Variants in SEL1L3 observed in about 807,000 individuals in gnomAD.
The protein encoded by SEL1L3 is SEL1L family member 3.
In SEL1L3, 76 loss-of-function variants were observed where a neutral mutation model predicts 142.8. The ratio of observed to expected loss-of-function variants is 0.53; its 90% confidence interval spans 0.44 to 0.64. The LOEUF (loss-of-function observed/expected upper bound fraction) is 0.64. SEL1L3 is among the 30% of genes least tolerant of loss of function. The probability of loss-of-function intolerance (pLI) is 0.00; values close to 1 mark genes in which losing one functional copy is unlikely to be tolerated. For synonymous variants in SEL1L3, 504 were observed against 519.6 expected (o/e 0.97, Z 0.41); for missense variants, 1,262 against 1,381.7 (o/e 0.91, Z 1.37).
chr4:25,848,248 C>T (rs923070361), intron 1 of SEL1L3, among the ~76,000 whole-genome samples: 2 of 152,176 alleles, frequency 1.3e-5, no homozygotes, highest in African/African-American at 4.8e-5. Context: ...ATTTTCAAAC[C>T]ATTGTCCTGA....
At chr4:25,806,978 G>A (rs912062358) in intron 9 of SEL1L3, among the ~76,000 whole-genome samples, 1 of 152,018 alleles carries the variant, frequency 6.6e-6, no homozygotes, top group Non-Finnish European at 1.5e-5. Flanking sequence ...TGTAGGCTTT[G>A]GCACTCTTCC....
the SEL1L3 span, among the ~76,000 whole-genome samples, chr4:25,731,211 T>G: frequency 5.3e-5 from 8 of 152,200 alleles, no homozygotes; most frequent in Non-Finnish European, 1.2e-4. Flanking sequence ...TTTATTTAGC[T>G]TTTAGATTTG....
intron 2 of SEL1L3, among the ~76,000 whole-genome samples, chr4:25,836,375 G>A (rs1435358646): frequency 6.6e-6 from 1 of 152,126 alleles, no homozygotes; most frequent in African/African-American, 2.4e-5. Flanking sequence ...GGCTGGGCGT[G>A]GTGGCTCACA....
chr4:25,746,569 T>TATATTTAAATATATATAA, downstream of SEL1L3, among the ~76,000 whole-genome samples: 1 of 146,490 alleles, frequency 6.8e-6, no homozygotes, highest in African/African-American at 2.5e-5. Context: ...AATATATATA[T>TATATTTAAATATATATAA]TCTTTCTATA....
chr4:25,819,748 A>G, intron 8 of SEL1L3, 60 bp downstream of exon 8: 1 of 1,525,600 alleles, frequency 6.6e-7, no homozygotes, highest in South Asian at 1.2e-5. Context: ...GGAGAAGCCA[A>G]ACATGTGTTT....
At chr4:25,860,336 C>G (rs1717610789) in intron 1 of SEL1L3, among the ~76,000 whole-genome samples, 1 of 152,216 alleles carries the variant, frequency 6.6e-6, no homozygotes, top group African/African-American at 2.4e-5. Flanking sequence ...CTGCACCTGC[C>G]CAGCCCCATC....
chr4:25,772,095 T>C (rs902534319), intron 17 of SEL1L3, among the ~76,000 whole-genome samples: 1 of 152,118 alleles, frequency 6.6e-6, no homozygotes, highest in African/African-American at 2.4e-5. Flanking sequence ...TACAGCAGAA[T>C]AGATGGTACC....
chr4:25,816,986 T>C (rs1410465337), intron 9 of SEL1L3, among the ~76,000 whole-genome samples: 1 of 152,228 alleles, frequency 6.6e-6, no homozygotes, highest in African/African-American at 2.4e-5. Context: ...GTCTCCACCA[T>C]TAGCTTCTAT....
Position 25,850,252 on chromosome 4 carries a change from C to T in SEL1L3, c.163-2388G>A, listed in dbSNP as rs115051967. On this transcript the variant is annotated intron_variant, in intron 1 of 23. Transcript: ENST00000399878. Reference sequence around the variant, plus strand: ...TTTCTGTACAAGGGGGTGGTGTCTCCCTTTTAAAGCAACTGATAGTCAATG... The same window carrying T: ...TTTCTGTACAAGGGGGTGGTGTCTCTCTTTTAAAGCAACTGATAGTCAATG... Among the ~76,000 whole-genome samples the T allele has an allele frequency of 9.9e-4, 151 of 152,204 alleles. 1 individual carries two copies. The highest frequency in any genetic ancestry group is 3.2e-3 in the African/African-American group (134 of 41,530).
Position 25,845,125 on chromosome 4 carries a change from C to T in SEL1L3, c.733+2169G>A, listed in dbSNP as rs73117356. ...CAGTATTAGATCAGCATTACTTCCC[C>T]AATTTTGATTTTGCACTGTAGTTAT... On this transcript the variant is annotated intron_variant, in intron 2 of 23. Coordinates refer to ENST00000399878, the MANE Select transcript of SEL1L3 (RefSeq NM_015187.5). Among the ~76,000 whole-genome samples, 1,513 of 152,286 alleles carry T rather than the reference C, an allele frequency of 9.9e-3. 24 individuals carry two copies. The highest frequency in any genetic ancestry group is 0.034 in the African/African-American group (1,420 of 41,556).
chr4:25,724,454 A>C, the SEL1L3 span, among the ~76,000 whole-genome samples: 59 of 151,926 alleles, frequency 3.9e-4, no homozygotes, highest in Non-Finnish European at 6.9e-4. Context: ...AAGAAAAGAA[A>C]AAAAAGGCCA....
chr4:25,751,568 T>C (rs1005473390), intron 23 of SEL1L3, among the ~76,000 whole-genome samples: 1 of 151,790 alleles, frequency 6.6e-6, no homozygotes, highest in Non-Finnish European at 1.5e-5. Flanking sequence ...CAAGAAAGAC[T>C]GAGCTGCCTG....
chr4:25,725,489 T>C, the SEL1L3 span, among the ~76,000 whole-genome samples: 1 of 152,122 alleles, frequency 6.6e-6, no homozygotes, highest in Non-Finnish European at 1.5e-5. Context: ...CTATTTTTTG[T>C]ATTTTTGGTA....
chr4:25,797,014 G>C (rs1480714259), intron 11 of SEL1L3, among the ~76,000 whole-genome samples: 1 of 151,052 alleles, frequency 6.6e-6, no homozygotes, highest in Admixed American at 6.6e-5. Context: ...GAAAAGGAGA[G>C]AGGAAAAGAC....
At chr4:25,848,864 C>T (rs901248575) in intron 1 of SEL1L3, among the ~76,000 whole-genome samples, 1 of 152,184 alleles carries the variant, frequency 6.6e-6, no homozygotes, top group Non-Finnish European at 1.5e-5. Flanking sequence ...TCAGACTGGG[C>T]GTGGTGGCTC....
In SEL1L3 at chr4:25,790,591, G is replaced by A; in HGVS notation, c.1957-17C>T. ...AACATATGCCTGAGAAGGAAGGAGG[G>A]AAAGAAGGAAGGAGGGAAAGAAGGA... On this transcript the variant is annotated splice_polypyrimidine_tract_variant and intron_variant, in intron 11 of 23. Coordinates refer to ENST00000399878, the MANE Select transcript of SEL1L3 (RefSeq NM_015187.5). 6.8e-7 allele frequency: 1 copy of A among 1,465,902 alleles called. No homozygotes were observed. The allele number at this position is 1,465,902 out of a possible 1,614,324, so 90.8% of individuals were successfully genotyped here.
chr4:25,796,817 T>C (rs1398260114), intron 11 of SEL1L3, among the ~76,000 whole-genome samples: 1 of 151,676 alleles, frequency 6.6e-6, no homozygotes, highest in African/African-American at 2.4e-5. Context: ...AGTAAGGTTT[T>C]GTGTTTGTTG....
In SEL1L3 at chr4:25,788,374, A is replaced by G. The variant is rs762361151; in HGVS notation, c.2077-10T>C. ...TCTGGGCCAATCGTTGCTTAAAGAT[A>G]ATAGCAATTTAGAACAATGACTTTT... On this transcript the variant is annotated splice_polypyrimidine_tract_variant and intron_variant, in intron 12 of 23. Transcript: ENST00000399878. The surrounding 1 kb of genome is among the most constrained non-coding windows in gnomAD (Gnocchi z 5.3). 3 of 1,613,450 alleles carry G rather than the reference A, an allele frequency of 1.9e-6. No homozygotes were observed. Among genetic ancestry groups the G allele is most frequent in the Non-Finnish European group, 2.5e-6 (3 of 1,179,702 alleles).
chr4:25,796,426 C>T (rs758561929), intron 11 of SEL1L3, among the ~76,000 whole-genome samples: 1 of 151,318 alleles, frequency 6.6e-6, no homozygotes, highest in Non-Finnish European at 1.5e-5. Context: ...AAAACCCTGT[C>T]TCAAATTAAA....
Sources: gnomAD v4.1 joint callset for allele counts (sites outside exome capture counted in the v4.1 genomes callset) on GRCh38, gnomAD v4.1.1 for gene constraint, Gnocchi (gnomAD v3.1) non-coding constraint, MANE v1.5 for transcripts, NCBI Gene and HGNC (gene_info 2026-07-23, HGNC 2026-07-21) for gene names.